Variants in TBC1D32 observed in about 807,000 individuals in gnomAD.
TBC1D32 encodes the protein protein broad-minded.
TBC1D32 carries 151 observed loss-of-function variants against 170.3 expected under a neutral mutation model. The observed-to-expected ratio is 0.89, with a 90% CI of 0.78 to 1.01. TBC1D32 has a LOEUF of 1.01. TBC1D32 is among the 50% of genes least tolerant of loss of function. TBC1D32 has a pLI of 0.00. For synonymous variants in TBC1D32, 498 were observed against 488.0 expected, an observed-to-expected ratio of 1.02 and a Z score of -0.27; for missense variants, 1,464 against 1,457.1, an observed-to-expected ratio of 1.00 and a Z score of -0.08.
intron 16 of TBC1D32, 80 bp downstream of exon 16, chr6:121,256,004 C>T (rs1798951505): frequency 1.6e-6 from 2 of 1,245,308 alleles, no homozygotes; most frequent in African/African-American, 1.5e-5. Flanking sequence ...AATATTTCAT[C>T]CAAAGTACAA....
chr6:121,112,446 TG>T, intron 29 of TBC1D32, 58 bp downstream of exon 29: 2 of 1,422,088 alleles, frequency 1.4e-6, no homozygotes, highest in Non-Finnish European at 1.9e-6. Context: ...CCCCAGTGAA[TG>T]TAAGTATAAT....
In TBC1D32 at chr6:121,099,792, A is replaced by G. The variant is rs531180749; in HGVS notation, c.3465+6231T>C. ...GGACATTTTTACATTACCTTAAAAG[A>G]AAGAATAGCATTACTGTTTCAAAAT... is the stretch of plus-strand genomic sequence containing the variant. On this transcript the variant is annotated intron_variant, in intron 30 of 31. Coordinates refer to ENST00000398212, the MANE Select transcript of TBC1D32 (RefSeq NM_152730.6). Among the ~76,000 whole-genome samples the G allele has an allele frequency of 2.0e-5, 3 of 152,102 alleles. No homozygotes were observed. The South Asian group carries it at 6.2e-4, about 31-fold the overall frequency.
intron 22 of TBC1D32, among the ~76,000 whole-genome samples, chr6:121,169,394 C>T (rs181311699): frequency 1.1e-4 from 16 of 152,216 alleles, no homozygotes; most frequent in Admixed American, 1.0e-3. Context: ...GGACCCCCTC[C>T]TTATACCATA....
intron 29 of TBC1D32, among the ~76,000 whole-genome samples, chr6:121,112,065 ACACT>A (rs1418525733): frequency 6.6e-6 from 1 of 152,142 alleles, no homozygotes; most frequent in African/African-American, 2.4e-5. Flanking sequence ...ACTTTAATAA[ACACT>A]CAGTATAGAT....
chr6:121,290,803 T>C (rs186890994), intron 12 of TBC1D32, among the ~76,000 whole-genome samples: 5,535 of 152,078 alleles, frequency 0.036, 281 homozygotes, highest in African/African-American at 0.11. Context: ...ACATACACCA[T>C]GGAATACTAT....
chr6:121,159,185 C>A (rs985518337), intron 24 of TBC1D32, among the ~76,000 whole-genome samples: 15 of 152,192 alleles, frequency 9.9e-5, no homozygotes, highest in African/African-American at 3.4e-4. Context: ...GCAGGCTATA[C>A]ATTTTTCTAT....
At chr6:121,329,940 T>C (rs1810989756) in intron 1 of TBC1D32, among the ~76,000 whole-genome samples, 1 of 152,172 alleles carries the variant, frequency 6.6e-6, no homozygotes, top group African/African-American at 2.4e-5. Context: ...TTTTGGCTCA[T>C]AATAAAGTTA....
At chr6:121,108,944 T>C (rs1488026829) in intron 29 of TBC1D32, among the ~76,000 whole-genome samples, 4 of 152,154 alleles carry the variant, frequency 2.6e-5, no homozygotes, top group South Asian at 2.1e-4. Flanking sequence ...ACAAAAAATT[T>C]TGCAGATTTT....
chr6:121,116,171 T>C (rs1779657982), intron 26 of TBC1D32, among the ~76,000 whole-genome samples: 1 of 136,478 alleles, frequency 7.3e-6, no homozygotes, highest in African/African-American at 2.9e-5. Flanking sequence ...TATCATGAAG[T>C]TTTTTTTTTT....
rs777463359 is a variant in TBC1D32, at chr6:121,299,476, T to C, written c.1110A>G (p.Leu370=). 3 of 1,512,746 alleles carry C rather than the reference T, an allele frequency of 2.0e-6. No individual in the cohort carries two copies. Among genetic ancestry groups the C allele is most frequent in the East Asian group, 4.7e-5 (2 of 42,566 alleles). The allele number at this position is 1,512,746 out of a possible 1,614,324, so 93.7% of individuals were successfully genotyped here. Residue 370 remains leucine, a synonymous_variant, in exon 10 of 32, where the codon TTA becomes TTG. Transcript: ENST00000398212. The part of the protein sequence containing the change: ...MHAHYSRTTV[L]RLLETKYKSL... ...ACTTATATTTCGTTTCAAGAAGTCT[T>C]AATACTGTAGTTCTGCTATAATGTG...
chr6:121,136,048 T>TA (rs1191245980), intron 24 of TBC1D32, among the ~76,000 whole-genome samples: 1 of 151,550 alleles, frequency 6.6e-6, no homozygotes, highest in Non-Finnish European at 1.5e-5. Flanking sequence ...CTAACATGAA[T>TA]AAAAAGAAAG....
At chr6:121,221,467 T>C (rs1391997200) in intron 21 of TBC1D32, among the ~76,000 whole-genome samples, 2 of 152,232 alleles carry the variant, frequency 1.3e-5, no homozygotes, top group South Asian at 2.1e-4. Flanking sequence ...CTGCCATAAA[T>C]AGTGATTCCT....
chr6:121,216,626 T>A (rs1441235276), intron 21 of TBC1D32, among the ~76,000 whole-genome samples: 1 of 152,202 alleles, frequency 6.6e-6, no homozygotes, highest in Non-Finnish European at 1.5e-5. Flanking sequence ...TCACTGCTCA[T>A]GAGAGGCAAG....
chr6:121,080,791 T>C lies in TBC1D32; in HGVS notation c.3754A>G (p.Ile1252Val). 6.2e-7 allele frequency: 1 copy of C among 1,613,428 alleles called. No homozygotes were observed. ...RTVLLRDMRN[I>V]RLQST ...ATGATCTATGTGCTCTGCAGTCTAA[T>C]GTTCCGCATGTCTCTCAGCAGCACT... Residue 1252 changes from isoleucine (I) to valine (V), a missense_variant, in exon 32 of 32, where the codon ATT (isoleucine) becomes GTT (valine). Around this residue, in one of 3 missense-constraint regions of TBC1D32, gnomAD observed 97 missense variants for 102.0 expected, o/e 0.95. Transcript: ENST00000398212.
At chr6:121,082,114 T>C (rs1260230110) in intron 31 of TBC1D32, among the ~76,000 whole-genome samples, 1 of 152,060 alleles carries the variant, frequency 6.6e-6, no homozygotes, top group Non-Finnish European at 1.5e-5. Flanking sequence ...CATTCTCTTA[T>C]TATACGTAAG....
rs184042821 is a variant in TBC1D32 at position 121,215,445 on chromosome 6, C to A, written c.2481+7791G>T. On this transcript the variant is annotated intron_variant, in intron 21 of 31. Transcript: ENST00000398212. The stretch of plus-strand genomic sequence containing the variant: ...GGCAGCCACTGCTCCAGATGGGCCA[C>A]CACTGCCATCAATTTCATGACAAAG... Among the ~76,000 whole-genome samples, 849 of 152,324 alleles carry A rather than the reference C, an allele frequency of 5.6e-3. 5 individuals are homozygous for A. The highest frequency in any genetic ancestry group is 6.5e-3 in the Non-Finnish European group (441 of 68,020).
chr6:121,317,371 T>G lies in TBC1D32; in HGVS notation c.495+124A>C, dbSNP rs541832319. The G allele has an allele frequency of 1.3e-4, 86 of 647,126 alleles. 2 individuals are homozygous for G. In the South Asian group the frequency reaches 2.2e-3, roughly 17 times the overall value. 40.1% of individuals were successfully genotyped at this position (647,126 alleles called of 1,614,324 possible). ...ACTAAATATTTAATATTAGGTTATT[T>G]AGTTTTATTATTTTTCTCCTGAATC... On this transcript the variant is annotated intron_variant, in intron 3 of 31. Coordinates refer to ENST00000398212, the MANE Select transcript of TBC1D32 (RefSeq NM_152730.6).
intron 15 of TBC1D32, among the ~76,000 whole-genome samples, chr6:121,269,031 G>A (rs190826674): frequency 2.0e-5 from 3 of 152,128 alleles, no homozygotes; most frequent in Admixed American, 1.3e-4. Context: ...AAGTGAAGGA[G>A]AAATCAAATC....
At chr6:121,303,805 T>C (rs1319909581) in intron 8 of TBC1D32, 44 bp from the exon 9 acceptor site, 1 of 1,336,082 alleles carries the variant, frequency 7.5e-7, no homozygotes, top group Admixed American at 2.2e-5. Flanking sequence ...CATATAGTTC[T>C]GGTGGTATAC....
Sources: allele counts gnomAD v4.1 joint callset (sites outside exome capture counted in the v4.1 genomes callset), GRCh38; gene constraint gnomAD v4.1.1; regional missense constraint gnomAD v4.1.1; transcripts MANE v1.5; gene names NCBI Gene and HGNC (gene_info 2026-07-23, HGNC 2026-07-21).